TM2D1: variants seen among roughly 807,000 people sequenced by gnomAD.
TM2D1 encodes TM2 domain containing 1, also known as TM2 domain-containing protein 1.
A neutral mutation model predicts 28.4 loss-of-function variants in TM2D1; 15 were observed. The observed-to-expected ratio is 0.53, with a 90% CI of 0.35 to 0.81. TM2D1 has a LOEUF of 0.81. Ranked by LOEUF, TM2D1 falls within the 40% of genes least tolerant of loss-of-function variation. TM2D1 has a pLI of 0.01. For missense variants in TM2D1, 236 were observed against 254.9 expected (o/e 0.93, Z 0.50); for synonymous variants, 93 against 96.2 (o/e 0.97, Z 0.20).
At chr1:61,715,213 C>T (rs114074213) in intron 2 of TM2D1, among the ~76,000 whole-genome samples, 8 of 152,190 alleles carry the variant, frequency 5.3e-5, no homozygotes, top group South Asian at 4.1e-4. Context: ...TTGAAAAGAT[C>T]GAGAACTCCA....
chr1:61,682,125 C>T (rs1644248886), intron 6 of TM2D1, among the ~76,000 whole-genome samples: 1 of 152,058 alleles, frequency 6.6e-6, no homozygotes, highest in Non-Finnish European at 1.5e-5. Context: ...GAAAAAAATC[C>T]ACCTAAAGGG....
intron 2 of TM2D1, among the ~76,000 whole-genome samples, chr1:61,720,632 AATAAATAAAT>A (rs1644556740): frequency 1.3e-5 from 2 of 152,168 alleles, no homozygotes; most frequent in African/African-American, 4.8e-5. Context: ...ATAATTTCTT[AATAAATAAAT>A]ATAAATAAAT....
At chr1:61,691,922 A>T (rs977017046) in intron 5 of TM2D1, among the ~76,000 whole-genome samples, 4 of 17,930 alleles carry the variant, frequency 2.2e-4, no homozygotes, top group Non-Finnish European at 3.1e-4. Flanking sequence ...AAAAAAACTT[A>T]AAAAAAAAAA....
intron 5 of TM2D1, among the ~76,000 whole-genome samples, chr1:61,684,248 G>A (rs1173243374): frequency 6.6e-6 from 1 of 152,138 alleles, no homozygotes; most frequent in East Asian, 1.9e-4. Flanking sequence ...CATTAAAGGT[G>A]GACAAAGATT....
At chr1:61,702,431 T>C (rs1431665962) in intron 3 of TM2D1, among the ~76,000 whole-genome samples, 1 of 150,994 alleles carries the variant, frequency 6.6e-6, no homozygotes, top group Non-Finnish European at 1.5e-5. Context: ...TGCAGTGGCG[T>C]GATCTCGGCT....
chr1:61,684,441 T>C (rs1644269130), intron 5 of TM2D1, among the ~76,000 whole-genome samples: 1 of 152,114 alleles, frequency 6.6e-6, no homozygotes, highest in Non-Finnish European at 1.5e-5. Context: ...ATACCTACCA[T>C]CCAGGATACC....
At chr1:61,719,641 C>T (rs1387790696) in intron 2 of TM2D1, among the ~76,000 whole-genome samples, 2 of 151,918 alleles carry the variant, frequency 1.3e-5, no homozygotes, top group Admixed American at 6.6e-5. Context: ...TACAGGCATG[C>T]GTCAGCACGC....
chr1:61,712,376 T>C (rs995354047), intron 2 of TM2D1, among the ~76,000 whole-genome samples: 1 of 152,180 alleles, frequency 6.6e-6, no homozygotes, highest in African/African-American at 2.4e-5. Flanking sequence ...TTTTTCAACA[T>C]GAATTTAAAT....
At chr1:61,710,473 TATACAC>T (rs1257509286) in intron 2 of TM2D1, among the ~76,000 whole-genome samples, 48 of 88,326 alleles carry the variant, frequency 5.4e-4, no homozygotes, top group African/African-American at 2.4e-3. Flanking sequence ...CATATATATA[TATACAC>T]ACACACACAC....
intron 3 of TM2D1, among the ~76,000 whole-genome samples, chr1:61,701,563 G>C (rs1003047424): frequency 1.3e-5 from 2 of 150,292 alleles, no homozygotes; most frequent in Admixed American, 1.3e-4. Flanking sequence ...TTTCGTGTGT[G>C]TGTGTGTGTG....
At chr1:61,698,778 T>C (rs1349943295) in intron 4 of TM2D1, 1 of 151,852 alleles carries the variant, frequency 6.6e-6, no homozygotes, top group East Asian at 1.9e-4. Flanking sequence ...GATCTCACTA[T>C]GTCACTATGT....
chr1:61,689,103 A>G (rs191831137), intron 5 of TM2D1, among the ~76,000 whole-genome samples: 1 of 152,328 alleles, frequency 6.6e-6, no homozygotes, highest in Non-Finnish European at 1.5e-5. Context: ...CAAACTATCA[A>G]GTATACCACC....
At chr1:61,702,843 C>A (rs897033935) in intron 3 of TM2D1, among the ~76,000 whole-genome samples, 1 of 151,716 alleles carries the variant, frequency 6.6e-6, no homozygotes, top group East Asian at 1.9e-4. Context: ...TGGTAGCTCA[C>A]GCCTGTAATC....
At chr1:61,712,277 T>C (rs1199526563) in intron 2 of TM2D1, among the ~76,000 whole-genome samples, 2 of 152,154 alleles carry the variant, frequency 1.3e-5, no homozygotes, top group Admixed American at 6.6e-5. Context: ...AGATTAGTCA[T>C]CTTCAAAAAA....
chr1:61,700,401 G>C, intron 4 of TM2D1: 1 of 1,175,260 alleles, frequency 8.5e-7, no homozygotes, highest in South Asian at 2.9e-5. Context: ...ATAAGCATTA[G>C]TAACTATAGT....
In TM2D1 at chr1:61,713,126, C is replaced by T. The variant is rs576267819; in HGVS notation, c.239-3689G>A. The stretch of plus-strand genomic sequence containing the variant: ...CAGAGGTTGTAGTGAGTTGAGATTG[C>T]GCCACTGCACTTCAGCCAGGGAGAT... On this transcript the variant is annotated intron_variant, in intron 2 of 6. Coordinates refer to ENST00000606498, the MANE Select transcript of TM2D1 (RefSeq NM_032027.3). Among the ~76,000 whole-genome samples, 42 of 147,992 alleles carry T rather than the reference C, an allele frequency of 2.8e-4. No individual in the cohort carries two copies. In the South Asian group the frequency reaches 7.3e-3, roughly 26 times the overall value.
chr1:61,685,547 C>G (rs555756723), intron 5 of TM2D1, among the ~76,000 whole-genome samples: 1 of 152,300 alleles, frequency 6.6e-6, no homozygotes. Context: ...AGACATTATA[C>G]ACTAACAGTG....
At chr1:61,687,174 C>G (rs943738337) in intron 5 of TM2D1, among the ~76,000 whole-genome samples, 3 of 151,966 alleles carry the variant, frequency 2.0e-5, no homozygotes, top group Admixed American at 6.6e-5. Flanking sequence ...GATCCTGTCT[C>G]TATTTGTAAA....
chr1:61,688,317 G>A (rs1256514852), intron 5 of TM2D1, among the ~76,000 whole-genome samples: 1 of 152,162 alleles, frequency 6.6e-6, no homozygotes, highest in Non-Finnish European at 1.5e-5. Context: ...ACATGACAGA[G>A]TAAAAGTTAC....
Sources: gnomAD v4.1 joint callset for allele counts (sites outside exome capture counted in the v4.1 genomes callset) on GRCh38, gnomAD v4.1.1 for gene constraint, MANE v1.5 for transcripts, NCBI Gene and HGNC (gene_info 2026-07-23, HGNC 2026-07-21) for gene names.